The following TONSL variants were observed in gnomAD, a reference collection of about 807,000 sequenced individuals.
TONSL encodes the protein tonsoku-like protein.
Under a neutral mutation model 147.1 loss-of-function variants are expected in TONSL, and 112 were observed. The observed-to-expected ratio is 0.76, with a 90% CI of 0.65 to 0.89. The LOEUF is 0.89. Ranked by LOEUF, TONSL falls within the 40% of genes least tolerant of loss-of-function variation. TONSL has a pLI of 0.00. For synonymous variants in TONSL, 868 were observed against 801.5 expected (o/e 1.08, Z -1.40); for missense variants, 1,883 against 1,864.6 (o/e 1.01, Z -0.18).
chr8:144,441,699 G>A (rs1441658484), intron 7 of TONSL: 4 of 294,152 alleles, frequency 1.4e-5, no homozygotes, highest in Non-Finnish European at 2.6e-5. Flanking sequence ...GACCACGCGT[G>A]CCATCTCCTC....
chr8:144,430,381 G>A (rs1554878368), intron 25 of TONSL, 23 bp downstream of exon 25: 5 of 1,569,170 alleles, frequency 3.2e-6, no homozygotes, highest in Admixed American at 1.9e-5. Context: ...CATGGCAGGC[G>A]TGGCCACCAT....
rs1249246199 is a variant in TONSL, at chr8:144,434,891, T to G, written c.3007-2A>C. On this transcript the variant is annotated splice_acceptor_variant, in intron 19 of 25. Transcript: ENST00000409379. LOFTEE classifies it high-confidence loss of function. ...CCACGAAGTCACCTCAGCCAACACC[T>G]GGAAGGCACCGTCATGAGCCACCTG... 2 of 1,613,172 alleles carry G rather than the reference T, an allele frequency of 1.2e-6. No individual in the cohort carries two copies. Among genetic ancestry groups the G allele is most frequent in the Non-Finnish European group, 1.7e-6 (2 of 1,179,950 alleles).
chr8:144,431,024 C>T, intron 24 of TONSL, 54 bp downstream of exon 24: 1 of 1,593,368 alleles, frequency 6.3e-7, no homozygotes, highest in Non-Finnish European at 8.6e-7. Context: ...CCATAGGGTC[C>T]AGAGCCATGA....
chr8:144,435,885 G>A lies in TONSL; in HGVS notation c.2548C>T (p.Pro850Ser), dbSNP rs751268411. 21 of 1,598,784 alleles carry A rather than the reference G, an allele frequency of 1.3e-5. No individual in the cohort carries two copies. The Middle Eastern group carries it at 6.6e-4, about 50-fold the overall frequency. Residue 850 changes from proline to serine, a missense_variant, in exon 17 of 26, where the codon CCC becomes TCC. Transcript: ENST00000409379. ...CTGCGGTTGTCTCCAGTGCCCCGGG[G>A]GCGGGGCCGGCGGCTGCGGGTCAGG... ...MPLTRSRRPR[P>S]RGTGDNRRPS...
chr8:144,444,195 G>A lies in TONSL; in HGVS notation c.106C>T (p.Leu36Phe). 6.9e-7 allele frequency: 1 copy of A among 1,453,508 alleles called. No homozygotes were observed. Among genetic ancestry groups the A allele is most frequent in the Non-Finnish European group, 9.0e-7 (1 of 1,106,336 alleles). The allele number at this position is 1,453,508 out of a possible 1,614,324, so 90.0% of individuals were successfully genotyped here. A position where few individuals can be genotyped will look rare whatever the true frequency, so the allele number is the denominator to read the frequency against. The part of the protein sequence containing the change: ...EAALCHQLGE[L>F]LAGHGRYAEA... ...CGGCGCTCACCATGGCCGGCCAGGA[G>A]CTCCCCCAGCTGGTGGCACAGCGCG... Residue 36 changes from leucine to phenylalanine, a missense_variant, in exon 2 of 26, where the codon CTC becomes TTC. By Grantham distance (22) the Leu-to-Phe change is conservative. Coordinates refer to ENST00000409379, the MANE Select transcript of TONSL (RefSeq NM_013432.5).
intron 22 of TONSL, chr8:144,432,678 A>C: frequency 2.1e-6 from 1 of 467,844 alleles, no homozygotes. Flanking sequence ...GTTCTGGACA[A>C]CTTGCCCTCT....
Position 144,440,069 on chromosome 8 carries a change from C to A in TONSL, c.1432G>T (p.Ala478Ser). Residue 478 changes from alanine to serine, a missense_variant, in exon 11 of 26, where the codon GCG (alanine) becomes TCG (serine). Transcript: ENST00000409379. ...CCGGCCTCCAGGGCTTCGCTCTCCG[C>A]TGTGGCTGCCGCCTCCTCCGCCTCC... ...EEEAEEAAAT[A>S]ESEALEAGEV... 1 of 1,584,806 alleles carries A rather than the reference C, an allele frequency of 6.3e-7. No homozygotes were observed. Among genetic ancestry groups the A allele is most frequent in the South Asian group, 1.1e-5 (1 of 90,478 alleles).
At position 144,430,531 on chromosome 8, in the gene TONSL, G is replaced by C. The variant is rs1823143749; in HGVS notation, c.3816C>G (p.Leu1272=). The C allele has an allele frequency of 6.2e-7, 1 of 1,609,582 alleles. No homozygotes were observed. Among genetic ancestry groups the C allele is most frequent in the South Asian group, 1.1e-5 (1 of 90,468 alleles). Reference sequence around the variant, plus strand: ...GTGAGATGAGTGAGGGGCACAGAGAGAGACATCTGAGATAACATGGGAAGA... The same window carrying C: ...GTGAGATGAGTGAGGGGCACAGAGACAGACATCTGAGATAACATGGGAAGA... ...DKAVRDLCRC[L]SLCPSLISLD... Residue 1272 remains leucine, a synonymous_variant, in exon 25 of 26, where the codon CTC becomes CTG. Coordinates refer to ENST00000409379, the MANE Select transcript of TONSL (RefSeq NM_013432.5).
chr8:144,443,059 A>G (rs1823780001), intron 4 of TONSL, 79 bp downstream of exon 4: 3 of 1,476,752 alleles, frequency 2.0e-6, no homozygotes, highest in African/African-American at 1.4e-5. Context: ...GGATTGCCCA[A>G]GGAGGCTGCG....
chr8:144,438,770 G>T (rs759578726), intron 11 of TONSL, 35 bp from the exon 12 acceptor site: 1 of 1,602,190 alleles, frequency 6.2e-7, no homozygotes, highest in Admixed American at 1.7e-5. Flanking sequence ...AGGGGAGTCC[G>T]TGGGAGGTGA....
Position 144,429,049 on chromosome 8 carries a change from A to C in TONSL, c.*94T>G. 4 of 1,365,514 alleles carry C rather than the reference A, an allele frequency of 2.9e-6. No individual in the cohort carries two copies. Among genetic ancestry groups the C allele is most frequent in the Non-Finnish European group, 3.8e-6 (4 of 1,044,882 alleles). 84.6% of individuals were successfully genotyped at this position (1,365,514 alleles called of 1,614,324 possible). A position where few individuals can be genotyped will look rare whatever the true frequency, so the allele number is the denominator to read the frequency against. Reference sequence around the variant, plus strand: ...CGTGATCCGCCCGCCTGGGCCTCCCAAAGTGTTGGGATTACAGGCGTGAGC... The same window carrying C: ...CGTGATCCGCCCGCCTGGGCCTCCCCAAGTGTTGGGATTACAGGCGTGAGC... On this transcript the variant is annotated 3_prime_UTR_variant, in exon 26 of 26. Coordinates refer to ENST00000409379, the MANE Select transcript of TONSL (RefSeq NM_013432.5).
intron 22 of TONSL, 84 bp from the exon 23 acceptor site, chr8:144,432,544 C>T: frequency 7.3e-7 from 1 of 1,371,660 alleles, no homozygotes; most frequent in Non-Finnish European, 9.6e-7. Context: ...CCCTCAGGAC[C>T]CCTTTGGGGA....
At chr8:144,432,527 C>T (rs1366019021) in intron 22 of TONSL, 67 bp from the exon 23 acceptor site, 2 of 1,436,762 alleles carry the variant, frequency 1.4e-6, no homozygotes, top group Non-Finnish European at 1.8e-6. Flanking sequence ...AAGTTCTGGG[C>T]CCAGAACCCT....
At chr8:144,436,469 C>A in intron 16 of TONSL, 51 bp from the exon 17 acceptor site, 1 of 1,551,498 alleles carries the variant, frequency 6.4e-7, no homozygotes, top group Non-Finnish European at 8.7e-7. Flanking sequence ...CCTCCCGCTC[C>A]ACCTGTGATG....
Position 144,436,593 on chromosome 8 carries a change from A to G in TONSL, c.1979T>C (p.Met660Thr), listed in dbSNP as rs1397416058. 4 of 1,611,412 alleles carry G rather than the reference A, an allele frequency of 2.5e-6. No individual in the cohort carries two copies. The highest frequency in any genetic ancestry group is 2.2e-5 in the South Asian group (2 of 91,082). The change falls in exon 16 of 26, where the codon ATG becomes ACG. Residue 660 changes from methionine (M) to threonine (T), a missense_variant. Met to Thr is a moderately conservative substitution (Grantham distance 81). Coordinates refer to ENST00000409379, the MANE Select transcript of TONSL (RefSeq NM_013432.5). Reference protein sequence around the residue: ...DLETRQKARAMEMLLQAAASG... With the variant: ...DLETRQKARATEMLLQAAASG... ...GGCAGCCGCCTGGAGCAGCATCTCC[A>G]TGGCCCTGGCCTTCTGCCGCGTCTC...
At chr8:144,438,151 T>C in intron 13 of TONSL, 1 of 395,552 alleles carries the variant, frequency 2.5e-6, no homozygotes, top group East Asian at 4.7e-5. Context: ...TCTGCCTGCC[T>C]TGGCATCCCA....
chr8:144,435,612 C>T (rs1823412651), intron 17 of TONSL, 46 bp downstream of exon 17: 1 of 1,575,322 alleles, frequency 6.3e-7, no homozygotes, highest in African/African-American at 1.3e-5. Context: ...CTACACCTGC[C>T]TGCCCGGAGT....
intron 25 of TONSL, among the ~76,000 whole-genome samples, chr8:144,429,808 G>A (rs1554878243): frequency 6.6e-6 from 1 of 152,180 alleles, no homozygotes; most frequent in Non-Finnish European, 1.5e-5. Context: ...GAGGTGAAGG[G>A]GAGGGGGCAC....
chr8:144,440,632 C>T, intron 9 of TONSL, 86 bp downstream of exon 9: 2 of 1,545,096 alleles, frequency 1.3e-6, no homozygotes, highest in Non-Finnish European at 1.7e-6. Context: ...CCAGTAAGGA[C>T]ACCTGTCCAT....
Sources: gnomAD v4.1 joint callset for allele counts (sites outside exome capture counted in the v4.1 genomes callset) on GRCh38, gnomAD v4.1.1 for gene constraint, MANE v1.5 for transcripts, NCBI Gene and HGNC (gene_info 2026-07-23, HGNC 2026-07-21) for gene names.